RIPOR2: variants seen among roughly 807,000 people sequenced by gnomAD.
RIPOR2 encodes the protein rho family-interacting cell polarization regulator 2.
A neutral mutation model predicts 114.5 loss-of-function variants in RIPOR2; 39 were observed. The observed-to-expected ratio is 0.34, with a 90% CI of 0.26 to 0.44. The LOEUF is 0.44. Among genes scored for constraint, RIPOR2 ranks in the 20% least tolerant of loss-of-function variants. The pLI, the probability that RIPOR2 is intolerant of heterozygous loss-of-function variation, is 1.00. For synonymous variants in RIPOR2, 445 were observed against 484.4 expected (o/e 0.92, Z 1.07); for missense variants, 1,007 against 1,255.1 (o/e 0.80, Z 2.99).
intron 14 of RIPOR2, chr6:24,836,127 A>G (rs985247869): frequency 6.6e-6 from 3 of 456,606 alleles, no homozygotes; most frequent in Admixed American, 6.8e-5. Context: ...ACCACTTATG[A>G]AGTAGTTTCA....
At chr6:25,022,531 C>CCTTTTTTTTTTTTTTT (rs1561848668) in intron 1 of RIPOR2, among the ~76,000 whole-genome samples, 1 of 64,512 alleles carries the variant, frequency 1.6e-5, no homozygotes, top group Non-Finnish European at 3.4e-5. Context: ...TGGTACCTTC[C>CCTTTTTTTTTTTTTTT]ATTTTTTTTT....
chr6:25,018,504 T>C (rs1776130877), intron 1 of RIPOR2, among the ~76,000 whole-genome samples: 1 of 152,306 alleles, frequency 6.6e-6, no homozygotes, highest in Admixed American at 6.5e-5. Flanking sequence ...GAACGCTCCT[T>C]AACCAATTGT....
intron 1 of RIPOR2, among the ~76,000 whole-genome samples, chr6:24,978,519 T>C (rs1774168005): frequency 6.6e-6 from 1 of 152,186 alleles, no homozygotes; most frequent in African/African-American, 2.4e-5. Flanking sequence ...TCCCCTTCTC[T>C]CCCTAACCTC....
rs1395575182 is a variant in RIPOR2, at chr6:24,830,643, G to C, written c.2372C>G (p.Ser791Cys). The change falls in exon 17 of 22, where the codon TCT (serine) becomes TGT (cysteine). Residue 791 changes from serine to cysteine, a missense_variant. Ser to Cys is a moderately radical substitution (Grantham distance 112, BLOSUM62 -1). Coordinates refer to ENST00000643898, the MANE Select transcript of RIPOR2 (RefSeq NM_001286445.3). ...GCACTTGGTCCAGAATGACAGCAAA[G>C]ACAGCTTTTTGTGAAATTCTGGTAT... ...EAIPEFHKKL[S>C]LLSFWTKCCS... is the part of the protein sequence containing the mutation. The C allele has an allele frequency of 6.4e-7, 1 of 1,551,314 alleles. No homozygotes were observed. The highest frequency in any genetic ancestry group is 2.4e-5 in the East Asian group (1 of 40,916).
intron 1 of RIPOR2, among the ~76,000 whole-genome samples, chr6:24,981,134 G>C (rs551634739): frequency 2.6e-5 from 4 of 152,168 alleles, no homozygotes; most frequent in African/African-American, 9.7e-5. Context: ...GGGTTATAAA[G>C]AATTTTATCT....
chr6:24,966,190 A>T (rs1431345071), intron 1 of RIPOR2, among the ~76,000 whole-genome samples: 1 of 152,204 alleles, frequency 6.6e-6, no homozygotes, highest in Non-Finnish European at 1.5e-5. Flanking sequence ...TCCTCACTTT[A>T]TGAAGCTTAA....
At chr6:24,894,395 A>G (rs955159823) in intron 1 of RIPOR2, among the ~76,000 whole-genome samples, 2 of 152,228 alleles carry the variant, frequency 1.3e-5, no homozygotes, top group Non-Finnish European at 2.9e-5. Flanking sequence ...CAAGATTGTT[A>G]GCAGAACTGG....
intron 12 of RIPOR2, among the ~76,000 whole-genome samples, chr6:24,844,597 A>G (rs867727089): frequency 6.6e-6 from 1 of 151,888 alleles, no homozygotes; most frequent in African/African-American, 2.4e-5. Context: ...CAGCCTCCCA[A>G]GTAGCTAGGA....
At chr6:24,972,403 T>C (rs1773827077) in intron 1 of RIPOR2, among the ~76,000 whole-genome samples, 1 of 152,182 alleles carries the variant, frequency 6.6e-6, no homozygotes, top group South Asian at 2.1e-4. Context: ...ATCTCAGGAC[T>C]CACACTACAG....
At position 24,825,305 on chromosome 6, in the gene RIPOR2, G is replaced by A; in HGVS notation, c.2789C>T (p.Thr930Ile). Residue 930 changes from threonine (T) to isoleucine (I), a missense_variant, in exon 19 of 22, where the codon ACC (threonine) becomes ATC (isoleucine). Coordinates refer to ENST00000643898, the MANE Select transcript of RIPOR2 (RefSeq NM_001286445.3). ...CTCACTAACTTCGTTGTCCTCTCTG[G>A]TTAATAGCAGAGCCAGAGTCCTGAG... ...EVLRTLALLLTREDNEVSEAV... is the reference protein window; with the variant it reads ...EVLRTLALLLIREDNEVSEAV... 6.4e-7 allele frequency: 1 copy of A among 1,551,672 alleles called. No homozygotes were observed. The highest frequency in any genetic ancestry group is 8.7e-7 in the Non-Finnish European group (1 of 1,146,858).
intron 19 of RIPOR2, among the ~76,000 whole-genome samples, chr6:24,821,395 G>A (rs554201089): frequency 6.6e-6 from 1 of 151,820 alleles, no homozygotes; most frequent in South Asian, 2.1e-4. Flanking sequence ...TGTTGGTCAG[G>A]CTGGTCTCAA....
At position 24,872,401 on chromosome 6, in the gene RIPOR2, C is replaced by T. The variant is rs543018298; in HGVS notation, c.423+480G>A. On this transcript the variant is annotated intron_variant, in intron 4 of 21. Coordinates refer to ENST00000643898, the MANE Select transcript of RIPOR2 (RefSeq NM_001286445.3). ...TTTTTATATTTTTTAAAAACACAGA[C>T]GGGGGGTGGGTCTCACTTTGTTGCT... Among the ~76,000 whole-genome samples, 90 of 152,060 alleles carry T rather than the reference C, an allele frequency of 5.9e-4. 1 individual carries two copies. Among genetic ancestry groups the T allele is most frequent in the African/African-American group, 2.0e-3 (84 of 41,486 alleles).
At chr6:24,936,863 A>C (rs1771838190), upstream of RIPOR2, among the ~76,000 whole-genome samples, 1 of 152,230 alleles carries the variant, frequency 6.6e-6, no homozygotes, top group Non-Finnish European at 1.5e-5. Flanking sequence ...CCAGAAGCTT[A>C]GAAAATGCAA....
chr6:24,987,466 G>A (rs1351356864), intron 1 of RIPOR2, among the ~76,000 whole-genome samples: 1 of 152,204 alleles, frequency 6.6e-6, no homozygotes, highest in East Asian at 1.9e-4. Context: ...TATGCTGCAA[G>A]ACAAGCTGTC....
chr6:24,916,942 C>T (rs1241946228), intron 1 of RIPOR2, among the ~76,000 whole-genome samples: 2 of 151,458 alleles, frequency 1.3e-5, no homozygotes, highest in African/African-American at 4.9e-5. Flanking sequence ...ACCTGTAAGG[C>T]TGCATAGGTA....
chr6:24,914,271 G>A (rs1305952902), intron 1 of RIPOR2, among the ~76,000 whole-genome samples: 2 of 152,156 alleles, frequency 1.3e-5, no homozygotes, highest in Admixed American at 6.5e-5. Flanking sequence ...AAGAGGCGGA[G>A]GTTGCAGTGA....
At chr6:24,948,601 G>A (rs138817717) in intron 1 of RIPOR2, among the ~76,000 whole-genome samples, 25 of 151,270 alleles carry the variant, frequency 1.7e-4, no homozygotes, top group Middle Eastern at 3.4e-3. Context: ...GCACAATCTC[G>A]GTTCACCGCA....
rs9393587 is a variant in RIPOR2, at chr6:24,809,625, C to T, written c.3043+92G>A. 0.82 allele frequency: 716,133 copies of T among 868,940 alleles called. 299,713 individuals carry two copies. The highest frequency in any genetic ancestry group is 0.88 in the East Asian group (33,252 of 37,738). 53.8% of individuals were successfully genotyped at this position (868,940 alleles called of 1,614,324 possible). On this transcript the variant is annotated intron_variant, in intron 21 of 21. Coordinates refer to ENST00000643898, the MANE Select transcript of RIPOR2 (RefSeq NM_001286445.3). The stretch of plus-strand genomic sequence containing the variant: ...CTGCTAAACAGGGTACATGAAACTT[C>T]TCCTTACTGGAGAAGGGAACATCTA...
At chr6:24,951,187 C>T (rs565935936) in intron 1 of RIPOR2, among the ~76,000 whole-genome samples, 6 of 152,226 alleles carry the variant, frequency 3.9e-5, no homozygotes, top group South Asian at 2.1e-4. Context: ...TCAGGGTGAT[C>T]GGAACACTCT....
Sources: gnomAD v4.1 joint callset for allele counts (sites outside exome capture counted in the v4.1 genomes callset) on GRCh38, gnomAD v4.1.1 for gene constraint, MANE v1.5 for transcripts, NCBI Gene and HGNC (gene_info 2026-07-23, HGNC 2026-07-21) for gene names.